CHRNA9: variants seen among roughly 807,000 people sequenced by gnomAD.
CHRNA9 encodes cholinergic receptor nicotinic alpha 9 subunit, also known as neuronal acetylcholine receptor subunit alpha-9.
Under a neutral mutation model 36.8 loss-of-function variants are expected in CHRNA9, and 24 were observed. The observed-to-expected ratio is 0.65, with a 90% CI of 0.47 to 0.92. The LOEUF (loss-of-function observed/expected upper bound fraction) is 0.92. Among genes scored for constraint, CHRNA9 ranks in the 40% least tolerant of loss-of-function variants. The pLI is 0.00. For missense variants in CHRNA9, 610 were observed against 601.2 expected, an observed-to-expected ratio of 1.01 and a Z score of -0.15; for synonymous variants, 231 against 231.8, an observed-to-expected ratio of 1.00 and a Z score of 0.03.
intron 3 of CHRNA9, among the ~76,000 whole-genome samples, chr4:40,339,147 C>G (rs1327022694): frequency 6.6e-6 from 1 of 151,402 alleles, no homozygotes; most frequent in East Asian, 1.9e-4. Flanking sequence ...GGTGTGGTGG[C>G]GGGCGCCTGT....
At chr4:40,344,204 T>C (rs1712575087) in intron 3 of CHRNA9, among the ~76,000 whole-genome samples, 2 of 152,220 alleles carry the variant, frequency 1.3e-5, no homozygotes, top group African/African-American at 2.4e-5. Context: ...TTCTGACCTC[T>C]AGAATTGTTA....
rs780748370 is a variant in CHRNA9 at position 40,354,163 on chromosome 4, G to C, written c.1083G>C (p.Pro361=). The change falls in exon 5 of 5, where the codon CCG becomes CCC. Residue 361 remains proline (P), a synonymous_variant. Transcript: ENST00000310169. Reference sequence around the variant, plus strand: ...ATGTGGGTGAAAGCTGCCTCAGCCCGCACCACAGTAGAGAGCGGGACCACC... The same window carrying C: ...ATGTGGGTGAAAGCTGCCTCAGCCCCCACCACAGTAGAGAGCGGGACCACC... ...VYDVGESCLS[P]HHSRERDHLT... The C allele has an allele frequency of 6.2e-7, 1 of 1,614,120 alleles. No homozygotes were observed. The highest frequency in any genetic ancestry group is 1.1e-5 in the South Asian group (1 of 91,076).
At chr4:40,343,018 G>A (rs1392457207) in intron 3 of CHRNA9, among the ~76,000 whole-genome samples, 1 of 152,162 alleles carries the variant, frequency 6.6e-6, no homozygotes, top group African/African-American at 2.4e-5. Context: ...GGGATCCTGG[G>A]ACTGAGTAAA....
intron 4 of CHRNA9, among the ~76,000 whole-genome samples, chr4:40,350,185 A>C (rs1712753540): frequency 6.6e-6 from 1 of 152,196 alleles, no homozygotes; most frequent in East Asian, 1.9e-4. Flanking sequence ...GTATAATAGC[A>C]GTGGGAGAGT....
chr4:40,337,126 C>A, intron 2 of CHRNA9, 84 bp from the exon 3 acceptor site: 2 of 1,250,766 alleles, frequency 1.6e-6, no homozygotes, highest in Non-Finnish European at 2.3e-6. Flanking sequence ...TTGTGAAATT[C>A]CTATTGTGAA....
At chr4:40,335,716 G>A in intron 1 of CHRNA9, 111 bp from the exon 2 acceptor site, 1 of 1,171,246 alleles carries the variant, frequency 8.5e-7, no homozygotes, top group Non-Finnish European at 1.3e-6. Flanking sequence ...CCCAAAGCTT[G>A]TCCCTCGCCA....
chr4:40,342,378 T>C (rs4861065), intron 3 of CHRNA9, among the ~76,000 whole-genome samples: 48,034 of 152,026 alleles, frequency 0.32, 8,181 homozygotes, highest in African/African-American at 0.43. Context: ...ATAGGGCTAA[T>C]AGAGATGCCA....
At position 40,337,297 on chromosome 4, in the gene CHRNA9, G is replaced by T. The variant is rs775085099; in HGVS notation, c.298G>T (p.Asp100Tyr). The change falls in exon 3 of 5, where the codon GAT (aspartate) becomes TAT (tyrosine). Residue 100 changes from aspartate to tyrosine, a missense_variant. Transcript: ENST00000310169. ...AYLTWDRDQY[D>Y]GLDSIRIPSD... is the part of the protein sequence containing the mutation. The stretch of plus-strand genomic sequence containing the variant: ...TCTCACGTGGGACCGAGATCAGTAC[G>T]ATGGCCTAGACTCCATCAGGATCCC... 1.2e-5 allele frequency: 19 copies of T among 1,614,230 alleles called. No individual in the cohort carries two copies. Among genetic ancestry groups the T allele is most frequent in the Admixed American group, 1.7e-5 (1 of 60,026 alleles).
chr4:40,339,831 G>GT (rs144060870), intron 3 of CHRNA9, among the ~76,000 whole-genome samples: 199 of 151,280 alleles, frequency 1.3e-3, no homozygotes, highest in Admixed American at 2.0e-3. Flanking sequence ...CCTAGTTATT[G>GT]TTTTTTTTAA....
In CHRNA9 at chr4:40,349,252, AT is replaced by A. The variant is rs1560318206; in HGVS notation, c.737del (p.Ile246ThrfsTer12). ...CTCGTTCTATATCGTCAACCTCCTC[AT>A]CCCATGCGTCCTCATATCTTTTCTG... The part of the protein sequence containing the change: ...RSSFYIVNLL[I>X]PCVLISFLAP... On this transcript the variant is annotated frameshift_variant, in exon 4 of 5. Coordinates refer to ENST00000310169, the MANE Select transcript of CHRNA9 (RefSeq NM_017581.4). LOFTEE classifies it high-confidence loss of function. 6.2e-7 allele frequency: 1 copy of A among 1,614,008 alleles called. No individual in the cohort carries two copies. Among genetic ancestry groups the A allele is most frequent in the Non-Finnish European group, 8.5e-7 (1 of 1,180,024 alleles).
At chr4:40,353,913 G>A (rs1441836205) in intron 4 of CHRNA9, 66 bp from the exon 5 acceptor site, 11 of 1,373,338 alleles carry the variant, frequency 8.0e-6, no homozygotes. Flanking sequence ...CTGTTGTTAA[G>A]TGACTCGTGG....
chr4:40,338,278 A>T (rs1712384054), intron 3 of CHRNA9: 1 of 152,190 alleles, frequency 6.6e-6, no homozygotes, highest in Non-Finnish European at 1.5e-5. Flanking sequence ...TGTAAGGTGC[A>T]TATGAATCGC....
At chr4:40,338,366 C>T (rs909100806) in intron 3 of CHRNA9, 6 of 152,186 alleles carry the variant, frequency 3.9e-5, no homozygotes, top group African/African-American at 1.2e-4. Flanking sequence ...CTACAAGCTC[C>T]GGAAGACGTG....
chr4:40,340,632 T>C (rs1712472194), intron 3 of CHRNA9, among the ~76,000 whole-genome samples: 1 of 152,042 alleles, frequency 6.6e-6, no homozygotes, highest in Non-Finnish European at 1.5e-5. Flanking sequence ...TCCTGAGTTG[T>C]GGCAAGAAGG....
chr4:40,339,280 A>T (rs1489987773), intron 3 of CHRNA9, among the ~76,000 whole-genome samples: 2 of 3,404 alleles, frequency 5.9e-4, no homozygotes, highest in Non-Finnish European at 1.5e-3. Context: ...ACTCCATCTC[A>T]AAAAAAAAAA....
intron 3 of CHRNA9, among the ~76,000 whole-genome samples, chr4:40,344,209 T>C (rs1712575147): frequency 6.6e-6 from 1 of 152,194 alleles, no homozygotes; most frequent in South Asian, 2.1e-4. Context: ...ACCTCTAGAA[T>C]TGTTAAGACA....
chr4:40,345,376 G>T (rs558143022), intron 3 of CHRNA9, among the ~76,000 whole-genome samples: 4 of 152,046 alleles, frequency 2.6e-5, no homozygotes, highest in Non-Finnish European at 5.9e-5. Flanking sequence ...ACATAGTGAG[G>T]CATGGTCTCT....
At chr4:40,341,916 C>A (rs769454070) in intron 3 of CHRNA9, among the ~76,000 whole-genome samples, 7 of 152,168 alleles carry the variant, frequency 4.6e-5, no homozygotes, top group African/African-American at 7.2e-5. Flanking sequence ...TTTTTACAAA[C>A]CTTTTTATAG....
At chr4:40,351,624 A>G (rs1406602642) in intron 4 of CHRNA9, among the ~76,000 whole-genome samples, 1 of 152,228 alleles carries the variant, frequency 6.6e-6, no homozygotes, top group Non-Finnish European at 1.5e-5. Flanking sequence ...AGCCCTTGAT[A>G]TCGGTTTCTG....
Sources: gnomAD v4.1 joint callset for allele counts (sites outside exome capture counted in the v4.1 genomes callset) on GRCh38, gnomAD v4.1.1 for gene constraint, MANE v1.5 for transcripts, NCBI Gene and HGNC (gene_info 2026-07-23, HGNC 2026-07-21) for gene names.